The following COL16A1 variants were observed in gnomAD, a reference collection of about 807,000 sequenced individuals.
COL16A1 encodes the protein collagen type XVI alpha 1 chain, also known as collagen alpha-1(XVI) chain.
COL16A1 carries 189 observed loss-of-function variants against 266.3 expected under a neutral mutation model. That is an observed-to-expected ratio of 0.71 (90% CI 0.63 to 0.80). COL16A1 has a LOEUF of 0.80. Among genes scored for constraint, COL16A1 ranks in the 30% least tolerant of loss-of-function variants. The pLI is 0.00. For synonymous variants in COL16A1, 740 were observed against 782.3 expected (o/e 0.95, Z 0.90); for missense variants, 1,928 against 2,122.4 (o/e 0.91, Z 1.80).
In COL16A1 at chr1:31,689,053, C is replaced by T; in HGVS notation, c.1653G>A (p.Glu551=). 6.2e-7 allele frequency: 1 copy of T among 1,613,980 alleles called. No homozygotes were observed. The highest frequency in any genetic ancestry group is 8.5e-7 in the Non-Finnish European group (1 of 1,180,022). ...GDPGIQGIKG[E]KGEPCLSCSS... ...CAGGAGAGCAGGGTTCCCTCACCTTCTCTCCTTTGATGCCTTGGATGCCAG... is the reference window on the plus strand; with the variant it reads ...CAGGAGAGCAGGGTTCCCTCACCTTTTCTCCTTTGATGCCTTGGATGCCAG... The change falls in exon 24 of 71, where the codon GAG becomes GAA. Residue 551 remains glutamate (E), a synonymous_variant. Transcript: ENST00000373672.
chr1:31,677,173 C>T lies in COL16A1; in HGVS notation c.2773-1862G>A, dbSNP rs1474442230. Among the ~76,000 whole-genome samples, 4 of 152,356 alleles carry T rather than the reference C, an allele frequency of 2.6e-5. No individual in the cohort carries two copies. In the East Asian group the frequency reaches 5.8e-4, roughly 22 times the overall value. On this transcript the variant is annotated intron_variant, in intron 42 of 70. Coordinates refer to ENST00000373672, the MANE Select transcript of COL16A1 (RefSeq NM_001856.4). ...CAATCTCAGCTCATCGAAACCTCCG[C>T]TTCCTGGGTTCAAGCGATTCTCCTG... is the stretch of plus-strand genomic sequence containing the variant.
intron 20 of COL16A1, 41 bp downstream of exon 20, chr1:31,691,147 C>A (rs770322316): frequency 1.2e-5 from 20 of 1,603,480 alleles, no homozygotes; most frequent in Middle Eastern, 3.3e-4. Flanking sequence ...TCCTGTCAAG[C>A]ATGGAGCTCC....
rs776047195 is a variant in COL16A1 at position 31,657,268 on chromosome 1, C to CA, written c.4021-201dup. 3 of 617,068 alleles carry CA rather than the reference C, an allele frequency of 4.9e-6. No individual in the cohort carries two copies. Among genetic ancestry groups the CA allele is most frequent in the Non-Finnish European group, 8.6e-6 (3 of 348,276 alleles). 38.2% of individuals were successfully genotyped at this position (617,068 alleles called of 1,614,324 possible). A position where few individuals can be genotyped will look rare whatever the true frequency, so the allele number is the denominator to read the frequency against. On this transcript the variant is annotated intron_variant, in intron 64 of 70. Transcript: ENST00000373672. This position sits in a 1 kb window ranked among gnomAD's most constrained non-coding sequence, Gnocchi z 6.4. ...ATACTCCAGCGTGATCCCAGAGCCC[C>CA]AACAGCTCCCAGCCCCCGTCTACAA...
intron 42 of COL16A1, among the ~76,000 whole-genome samples, chr1:31,675,998 G>C (rs1257013750): frequency 6.6e-6 from 1 of 152,128 alleles, no homozygotes; most frequent in African/African-American, 2.4e-5. Flanking sequence ...GTTGAACTAG[G>C]TGCTGTTATC....
rs367765219 is a variant in COL16A1, at chr1:31,692,005, G to A, written c.1257C>T (p.Asp419=). Residue 419 remains aspartate (D), a splice_region_variant and synonymous_variant, in exon 17 of 71, where the codon GAC becomes GAT. Coordinates refer to ENST00000373672, the MANE Select transcript of COL16A1 (RefSeq NM_001856.4). Reference sequence around the variant, plus strand: ...GTGGGGAAGGGTCCCAGGCACCTACGTCCCGGCCTGGCTTTCCCGGCACGC... The same window carrying A: ...GTGGGGAAGGGTCCCAGGCACCTACATCCCGGCCTGGCTTTCCCGGCACGC... The part of the protein sequence containing the change: ...IKGVPGKPGR[D]GRPGEICVIG... 18 of 1,613,702 alleles carry A rather than the reference G, an allele frequency of 1.1e-5. No individual in the cohort carries two copies. Among genetic ancestry groups the A allele is most frequent in the Middle Eastern group, 1.6e-4 (1 of 6,082 alleles).
chr1:31,664,828 G>A lies in COL16A1; in HGVS notation c.3555+344C>T, dbSNP rs1557622561. Among the ~76,000 whole-genome samples, 1 of 152,114 alleles carries A rather than the reference G, an allele frequency of 6.6e-6. No homozygotes were observed. Among genetic ancestry groups the A allele is most frequent in the African/African-American group, 2.4e-5 (1 of 41,424 alleles). On this transcript the variant is annotated intron_variant, in intron 56 of 70. Transcript: ENST00000373672. The surrounding 1 kb of genome is among the most constrained non-coding windows in gnomAD (Gnocchi z 5.5). The stretch of plus-strand genomic sequence containing the variant: ...CTCATCCTCCCGCCCAGGAGACGAA[G>A]GTGGCCTGGGCTGCCTATCACATTC...
chr1:31,653,753 A>G, intron 69 of COL16A1, 77 bp from the exon 70 acceptor site: 1 of 1,488,004 alleles, frequency 6.7e-7, no homozygotes, highest in Non-Finnish European at 9.2e-7. Flanking sequence ...TGAAACACAC[A>G]CACACACACA....
Position 31,688,841 on chromosome 1 carries a change from G to A in COL16A1, c.1767+20C>T. 1.2e-6 allele frequency: 2 copies of A among 1,605,448 alleles called. No homozygotes were observed. Among genetic ancestry groups the A allele is most frequent in the South Asian group, 2.2e-5 (2 of 90,344 alleles). On this transcript the variant is annotated intron_variant, in intron 25 of 70. Coordinates refer to ENST00000373672, the MANE Select transcript of COL16A1 (RefSeq NM_001856.4). This position sits in a 1 kb window ranked among gnomAD's most constrained non-coding sequence, Gnocchi z 4.9. ...AAGGATGGCTGAACTGGGCTGGGCT[G>A]GGAGAAAGTCGTCACTCACCGGAAG...
intron 11 of COL16A1, among the ~76,000 whole-genome samples, 178 bp from the exon 12 acceptor site, chr1:31,694,348 G>A (rs960308383): frequency 6.6e-6 from 1 of 152,210 alleles, no homozygotes; most frequent in Admixed American, 6.5e-5. Flanking sequence ...TCCTCAGCCT[G>A]TAACATTTGC....
Position 31,685,505 on chromosome 1 carries a change from GCT to G in COL16A1, c.2016+132_2016+133del, listed in dbSNP as rs1255170546. On this transcript the variant is annotated intron_variant, in intron 29 of 70. Coordinates refer to ENST00000373672, the MANE Select transcript of COL16A1 (RefSeq NM_001856.4). The surrounding 1 kb of genome is among the most constrained non-coding windows in gnomAD (Gnocchi z 4.0). The stretch of plus-strand genomic sequence containing the variant: ...AGGGCCGCTCCTGCTGGAGACAGAG[GCT>G]CTGACCCCGCCACACCCTCCCCACT... 1 of 1,137,106 alleles carries G rather than the reference GCT, an allele frequency of 8.8e-7. No individual in the cohort carries two copies. Among genetic ancestry groups the G allele is most frequent in the Non-Finnish European group, 1.3e-6 (1 of 791,218 alleles). The allele number at this position is 1,137,106 out of a possible 1,614,324, so 70.4% of individuals were successfully genotyped here. A position where few individuals can be genotyped will look rare whatever the true frequency, so the allele number is the denominator to read the frequency against.
chr1:31,695,653 G>A, intron 10 of COL16A1, 108 bp downstream of exon 10: 1 of 1,047,072 alleles, frequency 9.6e-7, no homozygotes, highest in Non-Finnish European at 1.5e-6. Flanking sequence ...GGAATGCCAG[G>A]AGCTGTGTAG....
In COL16A1 at chr1:31,693,110, C is replaced by T. The variant is rs1644348118; in HGVS notation, c.1053G>A (p.Lys351=). The T allele has an allele frequency of 6.2e-7, 1 of 1,611,868 alleles. No homozygotes were observed. The highest frequency in any genetic ancestry group is 1.7e-5 in the Admixed American group (1 of 59,968). ...CACTTACCCGTGCTCCCTTCTCTCC[C>T]TTGGAGCCTGGTGGACCAGGCAGGC... The part of the protein sequence containing the change: ...ERGLPGPPGS[K]GEKGARGNDC... The change falls in exon 13 of 71, where the codon AAG becomes AAA. Residue 351 remains lysine (K), a synonymous_variant. Coordinates refer to ENST00000373672, the MANE Select transcript of COL16A1 (RefSeq NM_001856.4).
At chr1:31,687,679 G>T (rs1162469052) in intron 26 of COL16A1, among the ~76,000 whole-genome samples, 1 of 151,900 alleles carries the variant, frequency 6.6e-6, no homozygotes, top group African/African-American at 2.4e-5. Flanking sequence ...GCAAGGCTGG[G>T]CTTTGAGGGG....
rs1557695290 is a variant in COL16A1 at position 31,697,020 on chromosome 1, CTG to C, written c.805_806del (p.Gln269ValfsTer2). On this transcript the variant is annotated frameshift_variant, in exon 8 of 71. Coordinates refer to ENST00000373672, the MANE Select transcript of COL16A1 (RefSeq NM_001856.4). LOFTEE classifies it high-confidence loss of function. The surrounding 1 kb of genome is among the most constrained non-coding windows in gnomAD (Gnocchi z 4.2). ...QSNELIEINP[Q>X]SEGKVYTRCF... The stretch of plus-strand genomic sequence containing the variant: ...AGCGGGTGTAGACCTTGCCTTCAGA[CTG>C]TGGATTGATCTCAATGAGCTCATTG... 1 of 1,614,194 alleles carries C rather than the reference CTG, an allele frequency of 6.2e-7. No individual in the cohort carries two copies.
chr1:31,700,578 G>A (rs1180229859), intron 2 of COL16A1, among the ~76,000 whole-genome samples: 1 of 152,236 alleles, frequency 6.6e-6, no homozygotes. Flanking sequence ...TCAGAATCAT[G>A]CACATTGTGT....
At chr1:31,659,112 C>A (rs1296183667) in intron 62 of COL16A1, 148 bp from the exon 63 acceptor site, 1 of 756,898 alleles carries the variant, frequency 1.3e-6, no homozygotes, top group Non-Finnish European at 2.2e-6. Flanking sequence ...TGCACTTGAG[C>A]TTCGGACAAG....
Position 31,698,868 on chromosome 1 carries a change from C to T in COL16A1, c.267-262G>A, listed in dbSNP as rs749628488. On this transcript the variant is annotated intron_variant, in intron 4 of 70. Coordinates refer to ENST00000373672, the MANE Select transcript of COL16A1 (RefSeq NM_001856.4). The surrounding 1 kb of genome is among the most constrained non-coding windows in gnomAD (Gnocchi z 4.1). ...CAGCACTTTGGGAGGCCGAGGTGGG[C>T]GGATCACCTGAGGCCAGGAGTTGGA... 3.0e-4 allele frequency among the ~76,000 whole-genome samples: 45 copies of T among 152,212 alleles called. 1 individual carries two copies. The highest frequency in any genetic ancestry group is 1.2e-3 in the Admixed American group (19 of 15,300).
intron 70 of COL16A1, among the ~76,000 whole-genome samples, chr1:31,653,239 A>G (rs990609746): frequency 6.6e-6 from 1 of 152,232 alleles, no homozygotes; most frequent in Non-Finnish European, 1.5e-5. Flanking sequence ...TTCAGGCTAT[A>G]TAGCCAAACA....
chr1:31,659,567 A>C (rs16834656), intron 62 of COL16A1: 4,968 of 155,664 alleles, frequency 0.032, 294 homozygotes, highest in African/African-American at 0.11. Context: ...GTGGTGCAAA[A>C]GATCACCTCC....
Sources: allele counts gnomAD v4.1 joint callset (sites outside exome capture counted in the v4.1 genomes callset), GRCh38; gene constraint gnomAD v4.1.1; non-coding constraint Gnocchi (gnomAD v3.1); transcripts MANE v1.5; gene names NCBI Gene and HGNC (gene_info 2026-07-23, HGNC 2026-07-21).